PTPN22: variants seen among roughly 807,000 people sequenced by gnomAD.
The protein encoded by PTPN22 is tyrosine-protein phosphatase non-receptor type 22.
Under a neutral mutation model 103.3 loss-of-function variants are expected in PTPN22, and 85 were observed. The ratio of observed to expected loss-of-function variants is 0.82; its 90% confidence interval spans 0.69 to 0.99. The LOEUF (loss-of-function observed/expected upper bound fraction) is 0.99. Among genes scored for constraint, PTPN22 ranks in the 50% least tolerant of loss-of-function variants. The pLI is 0.00. For missense variants in PTPN22, 865 were observed against 936.9 expected (o/e 0.92, Z 1.00); for synonymous variants, 323 against 310.2 (o/e 1.04, Z -0.43).
At chr1:113,844,970 C>T (rs576166065) in intron 11 of PTPN22, among the ~76,000 whole-genome samples, 3 of 152,160 alleles carry the variant, frequency 2.0e-5, no homozygotes, top group African/African-American at 7.2e-5. Context: ...AGGCACATGC[C>T]ATCACACCTG....
chr1:113,842,404 G>A (rs1663629865), intron 11 of PTPN22, among the ~76,000 whole-genome samples: 1 of 152,218 alleles, frequency 6.6e-6, no homozygotes, highest in Non-Finnish European at 1.5e-5. Context: ...GGCCAGGCGT[G>A]GTGGCTCACG....
chr1:113,859,551 A>T (rs866292383), intron 1 of PTPN22, 91 bp from the exon 2 acceptor site: 1 of 993,048 alleles, frequency 1.0e-6, no homozygotes, highest in Non-Finnish European at 1.6e-6. Context: ...CTGGCAAAAC[A>T]TTCTACCTCA....
intron 16 of PTPN22, among the ~76,000 whole-genome samples, chr1:113,831,995 C>G (rs768613309): frequency 1.3e-5 from 2 of 152,070 alleles, no homozygotes; most frequent in Admixed American, 1.3e-4. Flanking sequence ...ACAAGTACTA[C>G]GCTAAAAGCT....
At chr1:113,860,007 G>T (rs1226181538) in intron 1 of PTPN22, among the ~76,000 whole-genome samples, 3 of 147,200 alleles carry the variant, frequency 2.0e-5, no homozygotes, top group African/African-American at 7.6e-5. Context: ...TGTCACCCAG[G>T]CTGGAGTGCA....
rs1429868751 is a variant in PTPN22, at chr1:113,855,032, G to C, written c.558C>G (p.Tyr186Ter). ...CTGGCCAATTCTTGTAATGAAACTG[G>C]TAGATAGTTCGAGTTTCCTATAAAA... The change falls in exon 8 of 21, where the codon TAC (tyrosine) becomes TAG (stop). Residue 186 changes from tyrosine (Y) to a stop codon, truncating the protein, a stop_gained. Coordinates refer to ENST00000359785, the Ensembl canonical transcript of PTPN22. LOFTEE classifies it high-confidence loss of function. The C allele has an allele frequency of 6.2e-7, 1 of 1,610,288 alleles. No homozygotes were observed. The highest frequency in any genetic ancestry group is 1.7e-5 in the Admixed American group (1 of 59,796).
chr1:113,859,587 A>T (rs1000070216), intron 1 of PTPN22, 127 bp from the exon 2 acceptor site: 3 of 743,426 alleles, frequency 4.0e-6, no homozygotes, highest in Non-Finnish European at 6.6e-6. Context: ...TCTGGTTCTG[A>T]CTCCGTTCAG....
At chr1:113,852,462 T>G (rs1664654179) in intron 9 of PTPN22, among the ~76,000 whole-genome samples, 1 of 152,196 alleles carries the variant, frequency 6.6e-6, no homozygotes, top group South Asian at 2.1e-4. Flanking sequence ...ACTTCCCATT[T>G]CCTATTAGAC....
exon 13 of PTPN22, chr1:113,838,340 A>G: frequency 1.2e-6 from 2 of 1,606,536 alleles, no homozygotes; most frequent in African/African-American, 1.3e-5. Context: ...CTAAAGTCAA[A>G]GGAAGAAGAT....
intron 1 of PTPN22, among the ~76,000 whole-genome samples, chr1:113,864,866 C>T (rs1223078331): frequency 6.6e-6 from 1 of 151,326 alleles, no homozygotes; most frequent in Non-Finnish European, 1.5e-5. Flanking sequence ...GAGCAGAGAT[C>T]GTGCCACTGC....
chr1:113,853,976 C>T (rs550359770), intron 9 of PTPN22, among the ~76,000 whole-genome samples: 1 of 151,458 alleles, frequency 6.6e-6, no homozygotes, highest in South Asian at 2.1e-4. Flanking sequence ...AGCCATTCTC[C>T]CGCCTCAGCC....
exon 21 of PTPN22, chr1:113,814,139 TTC>T (rs1279443502): frequency 1.3e-5 from 2 of 152,434 alleles, no homozygotes; most frequent in South Asian, 4.1e-4. Flanking sequence ...AAACTAGTAT[TTC>T]TGATTGGTTA....
At chr1:113,833,084 T>A (rs753379844) in intron 16 of PTPN22, 27 bp downstream of exon 16, 37 of 1,550,768 alleles carry the variant, frequency 2.4e-5, no homozygotes, top group Non-Finnish European at 3.1e-5. Flanking sequence ...GGGCTAAATG[T>A]CATCTAAAGC....
chr1:113,863,640 G>A (rs1422697800), intron 1 of PTPN22, among the ~76,000 whole-genome samples: 1 of 152,174 alleles, frequency 6.6e-6, no homozygotes, highest in Non-Finnish European at 1.5e-5. Flanking sequence ...TTGTGCACTT[G>A]CTCTGTAGGA....
intron 18 of PTPN22, 65 bp from the exon 19 acceptor site, chr1:113,825,237 G>T: frequency 1.0e-6 from 1 of 990,612 alleles, no homozygotes; most frequent in Non-Finnish European, 1.5e-6. Flanking sequence ...TAATCAAATA[G>T]AAATATAGAC....
chr1:113,845,207 T>G (rs1237999712), intron 11 of PTPN22, among the ~76,000 whole-genome samples: 1 of 151,552 alleles, frequency 6.6e-6, no homozygotes, highest in Non-Finnish European at 1.5e-5. Flanking sequence ...TTTGTTTTTT[T>G]TTTTTTTGAG....
chr1:113,865,537 C>A (rs1004374376), intron 1 of PTPN22, among the ~76,000 whole-genome samples: 5 of 152,152 alleles, frequency 3.3e-5, no homozygotes. Flanking sequence ...ATGTTTTCAT[C>A]TTTTATTCTC....
chr1:113,841,765 G>A (rs1021442001), intron 11 of PTPN22, among the ~76,000 whole-genome samples: 1 of 152,024 alleles, frequency 6.6e-6, no homozygotes, highest in East Asian at 1.9e-4. Flanking sequence ...ACCACACCCG[G>A]CTAATTTTTG....
rs538879552 is a variant in PTPN22 at position 113,848,431 on chromosome 1, G to A, written c.915+109C>T. 27 of 1,489,196 alleles carry A rather than the reference G, an allele frequency of 1.8e-5. No homozygotes were observed. In the Middle Eastern group the frequency reaches 7.3e-4, roughly 40 times the overall value. 92.2% of individuals were successfully genotyped at this position (1,489,196 alleles called of 1,614,324 possible). On this transcript the variant is annotated intron_variant, in intron 11 of 20. Coordinates refer to ENST00000359785, the Ensembl canonical transcript of PTPN22. ...CAGTGCAGCCCTATGCACACCTGAC[G>A]CTCTCAATTTAGTTGTGACAATAGA...
chr1:113,853,920 C>T (rs946912575), intron 9 of PTPN22, among the ~76,000 whole-genome samples: 2 of 128,152 alleles, frequency 1.6e-5, no homozygotes, highest in East Asian at 2.3e-4. Context: ...AGCTGGAGTG[C>T]AGTGGCGCGA....
Sources: gnomAD v4.1 joint callset for allele counts (sites outside exome capture counted in the v4.1 genomes callset) on GRCh38, gnomAD v4.1.1 for gene constraint, MANE v1.5 for transcripts, NCBI Gene and HGNC (gene_info 2026-07-23, HGNC 2026-07-21) for gene names.